TBC1D32: variants seen among roughly 807,000 people sequenced by gnomAD.
The protein encoded by TBC1D32 is TBC1 domain family member 32, also known as protein broad-minded.
A neutral mutation model predicts 170.3 loss-of-function variants in TBC1D32; 151 were observed. The observed-to-expected ratio is 0.89, with a 90% CI of 0.78 to 1.01. The LOEUF is 1.01. TBC1D32 is among the 50% of genes least tolerant of loss of function. The pLI is 0.00. For synonymous variants in TBC1D32, 498 were observed against 488.0 expected (o/e 1.02, Z -0.27); for missense variants, 1,464 against 1,457.1 (o/e 1.00, Z -0.08).
chr6:121,226,519 G>C (rs1320037781), intron 20 of TBC1D32, among the ~76,000 whole-genome samples: 1 of 152,052 alleles, frequency 6.6e-6, no homozygotes, highest in Non-Finnish European at 1.5e-5. Context: ...AAAGAAAAAT[G>C]GTTTTGGAGG....
rs952247835 is a variant in TBC1D32 at position 121,080,337 on chromosome 6, C to T, written c.*434G>A. 3.1e-5 allele frequency: 10 copies of T among 318,644 alleles called. No individual in the cohort carries two copies. The highest frequency in any genetic ancestry group is 6.6e-5 in the Non-Finnish European group (10 of 152,170). The allele number at this position is 318,644 out of a possible 1,614,324, so 19.7% of individuals were successfully genotyped here. On this transcript the variant is annotated 3_prime_UTR_variant, in exon 32 of 32. Coordinates refer to ENST00000398212, the MANE Select transcript of TBC1D32 (RefSeq NM_152730.6). ...GGTTCAAGCGATTCTCCTGCCTCAG[C>T]CTCCCAAGTAGCAGGGACTACAGGC...
chr6:121,317,938 A>C (rs1013032716), intron 2 of TBC1D32, among the ~76,000 whole-genome samples: 1 of 152,160 alleles, frequency 6.6e-6, no homozygotes, highest in African/African-American at 2.4e-5. Context: ...GTAAAATTAA[A>C]AGAACCTAAG....
intron 24 of TBC1D32, among the ~76,000 whole-genome samples, chr6:121,146,930 C>T: frequency 6.6e-6 from 1 of 152,074 alleles, no homozygotes; most frequent in East Asian, 1.9e-4. Flanking sequence ...GTGATGAGCA[C>T]AGCAGCCAAC....
At chr6:121,238,644 TTCTC>T (rs1327094566) in intron 20 of TBC1D32, among the ~76,000 whole-genome samples, 7 of 152,116 alleles carry the variant, frequency 4.6e-5, no homozygotes, top group Non-Finnish European at 1.0e-4. Context: ...TGATAGCATC[TTCTC>T]TCTGTCTGTA....
At chr6:121,105,946 T>C in intron 30 of TBC1D32, 77 bp downstream of exon 30, 2 of 1,368,596 alleles carry the variant, frequency 1.5e-6, no homozygotes, top group Non-Finnish European at 1.9e-6. Flanking sequence ...GGTATTTCCT[T>C]ATTTGATGAG....
chr6:121,314,908 C>T (rs1372519633), intron 3 of TBC1D32, among the ~76,000 whole-genome samples: 1 of 152,190 alleles, frequency 6.6e-6, no homozygotes, highest in African/African-American at 2.4e-5. Flanking sequence ...CTGTATAAAG[C>T]AGTGTCTGTG....
chr6:121,143,788 A>G (rs1369313341), intron 24 of TBC1D32, among the ~76,000 whole-genome samples: 4 of 152,122 alleles, frequency 2.6e-5, no homozygotes, highest in Non-Finnish European at 4.4e-5. Context: ...AACCAGACAC[A>G]TACCTGTTAG....
chr6:121,097,206 T>C (rs999433403), intron 30 of TBC1D32, among the ~76,000 whole-genome samples: 1 of 152,056 alleles, frequency 6.6e-6, no homozygotes, highest in African/African-American at 2.4e-5. Context: ...TGGGATCTAA[T>C]TAAACTAAAG....
intron 22 of TBC1D32, among the ~76,000 whole-genome samples, chr6:121,196,298 C>T (rs1293214870): frequency 2.6e-5 from 4 of 152,156 alleles, no homozygotes; most frequent in Non-Finnish European, 4.4e-5. Flanking sequence ...CTTCCACTCA[C>T]CAAGGCTGAC....
At chr6:121,154,270 C>G (rs1309203561) in intron 24 of TBC1D32, among the ~76,000 whole-genome samples, 1 of 152,086 alleles carries the variant, frequency 6.6e-6, no homozygotes, top group Admixed American at 6.5e-5. Flanking sequence ...CTTGAGCTTC[C>G]TAGGTGAGAA....
rs140410217 is a variant in TBC1D32 at position 121,208,227 on chromosome 6, C to T, written c.2482-3064G>A. Among the ~76,000 whole-genome samples, 316 of 151,918 alleles carry T rather than the reference C, an allele frequency of 2.1e-3. 1 individual carries two copies. Among genetic ancestry groups the T allele is most frequent in the African/African-American group, 7.3e-3 (302 of 41,406 alleles). On this transcript the variant is annotated intron_variant, in intron 21 of 31. Coordinates refer to ENST00000398212, the MANE Select transcript of TBC1D32 (RefSeq NM_152730.6). ...TGAGGTATGTATTAGCCCATTCTCA[C>T]GCTGTTAATAAAGACATACCTGAGA...
intron 20 of TBC1D32, among the ~76,000 whole-genome samples, chr6:121,233,850 C>T (rs1045493305): frequency 2.6e-5 from 4 of 152,082 alleles, no homozygotes; most frequent in Non-Finnish European, 4.4e-5. Context: ...TGGTGTATTT[C>T]GAGAATTTGT....
At chr6:121,091,466 AC>A (rs1562448022) in intron 30 of TBC1D32, among the ~76,000 whole-genome samples, 1 of 152,180 alleles carries the variant, frequency 6.6e-6, no homozygotes, top group Non-Finnish European at 1.5e-5. Flanking sequence ...GCTAAATGTT[AC>A]ATTAATGCAA....
At chr6:121,294,402 T>C (rs2052122897) in intron 11 of TBC1D32, among the ~76,000 whole-genome samples, 168 bp downstream of exon 11, 1 of 152,058 alleles carries the variant, frequency 6.6e-6, no homozygotes, top group African/African-American at 2.4e-5. Context: ...AAAATAATGA[T>C]TATAGTGTAT....
chr6:121,313,105 GGTGTGTGTGTGTGTGTGTGT>G (rs71018125), intron 3 of TBC1D32, among the ~76,000 whole-genome samples: 14,927 of 111,242 alleles, frequency 0.13, 1,277 homozygotes, highest in East Asian at 0.45. Flanking sequence ...AAGCTAAGGT[GGTGTGTGTGTGTGTGTGTGT>G]GTGTGTGTGT....
At chr6:121,112,439 C>A in intron 29 of TBC1D32, 66 bp downstream of exon 29, 2 of 1,353,628 alleles carry the variant, frequency 1.5e-6, no homozygotes, top group South Asian at 1.7e-5. Flanking sequence ...AATTATGCCC[C>A]AGTGAATGTA....
In TBC1D32 at chr6:121,080,471, C is replaced by A; in HGVS notation, c.*300G>T. 4.0e-6 allele frequency: 1 copy of A among 249,126 alleles called. No homozygotes were observed. The highest frequency in any genetic ancestry group is 8.0e-6 in the Non-Finnish European group (1 of 124,692). The allele number at this position is 249,126 out of a possible 1,614,324, so 15.4% of individuals were successfully genotyped here. The stretch of plus-strand genomic sequence containing the variant: ...CCTCGTGATCCGCCCACCTCAGACT[C>A]CCAAAGTGCTGGGATTACAGGCATG... On this transcript the variant is annotated 3_prime_UTR_variant, in exon 32 of 32. Coordinates refer to ENST00000398212, the MANE Select transcript of TBC1D32 (RefSeq NM_152730.6).
chr6:121,149,524 CA>C (rs1783929429), intron 24 of TBC1D32, among the ~76,000 whole-genome samples: 1 of 152,130 alleles, frequency 6.6e-6, no homozygotes. Context: ...ATCCTTTCCC[CA>C]TTTCTTGTTT....
chr6:121,328,312 G>C (rs1810722689), intron 1 of TBC1D32, among the ~76,000 whole-genome samples: 1 of 151,614 alleles, frequency 6.6e-6, no homozygotes, highest in Non-Finnish European at 1.5e-5. Context: ...TTGTGACGGA[G>C]TCTCGCTCTG....
Sources: allele counts gnomAD v4.1 joint callset (sites outside exome capture counted in the v4.1 genomes callset), GRCh38; gene constraint gnomAD v4.1.1; transcripts MANE v1.5; gene names NCBI Gene and HGNC (gene_info 2026-07-23, HGNC 2026-07-21).